The following GPBP1 variants were observed in gnomAD, a reference collection of about 807,000 sequenced individuals.
GPBP1 encodes the protein GC-rich promoter binding protein 1.
GPBP1 carries 13 observed loss-of-function variants against 56.5 expected under a neutral mutation model. The observed-to-expected ratio is 0.23, with a 90% CI of 0.15 to 0.37. The LOEUF (loss-of-function observed/expected upper bound fraction) is 0.37. GPBP1 is among the 10% of genes least tolerant of loss of function. The pLI is 1.00. For synonymous variants in GPBP1, 204 were observed against 188.9 expected (o/e 1.08, Z -0.66); for missense variants, 477 against 572.3 (o/e 0.83, Z 1.70).
intron 5 of GPBP1, among the ~76,000 whole-genome samples, chr5:57,232,730 T>C (rs1207212577): frequency 1.3e-5 from 2 of 152,234 alleles, no homozygotes; most frequent in African/African-American, 4.8e-5. Flanking sequence ...CCCTGTCTCC[T>C]TTGTTCGGTG....
At chr5:57,221,517 TA>T in intron 3 of GPBP1, 1 of 615,314 alleles carries the variant, frequency 1.6e-6, no homozygotes, top group South Asian at 2.3e-5. Context: ...TGTATCTTCA[TA>T]ATTGTTTGAT....
At chr5:57,228,580 G>T (rs1262127489) in intron 3 of GPBP1, among the ~76,000 whole-genome samples, 1 of 50 alleles carries the variant, frequency 0.02, no homozygotes, top group African/African-American at 0.071. Context: ...TTCAAGTCTG[G>T]CTTGGGCATA....
rs1561342192 is a variant in GPBP1, at chr5:57,211,868, G to T, written c.-57-2206G>T. 2.0e-5 allele frequency among the ~76,000 whole-genome samples: 3 copies of T among 151,882 alleles called. No individual in the cohort carries two copies. In the South Asian group the frequency reaches 6.2e-4, roughly 32 times the overall value. On this transcript the variant is annotated intron_variant, in intron 2 of 11. Transcript: ENST00000506184. The stretch of plus-strand genomic sequence containing the variant: ...ATTACAGGCGTGAGCCGTCGTGCTC[G>T]GCCATTACGTAACTTTTTACCATTT...
At chr5:57,236,541 T>C (rs1336862476) in intron 6 of GPBP1, among the ~76,000 whole-genome samples, 1 of 152,156 alleles carries the variant, frequency 6.6e-6, no homozygotes, top group Non-Finnish European at 1.5e-5. Context: ...TTTGAAGTTA[T>C]TTGTCTCTGA....
chr5:57,174,764 C>T (rs1579958317), intron 1 of GPBP1, among the ~76,000 whole-genome samples: 1 of 152,304 alleles, frequency 6.6e-6, no homozygotes, highest in South Asian at 2.1e-4. Flanking sequence ...GAGAACCATT[C>T]TTTGGTTTAC....
intron 6 of GPBP1, among the ~76,000 whole-genome samples, chr5:57,241,466 C>T (rs1434581017): frequency 1.3e-5 from 2 of 152,122 alleles, no homozygotes; most frequent in African/African-American, 4.8e-5. Flanking sequence ...TGGTCCAGGC[C>T]TGTAATCCTA....
In GPBP1 at chr5:57,235,982, A is replaced by C. The variant is rs754259801; in HGVS notation, c.428A>C (p.Glu143Ala). 2.5e-6 allele frequency: 4 copies of C among 1,610,398 alleles called. No homozygotes were observed. The South Asian group carries it at 4.4e-5, about 18-fold the overall frequency. The change falls in exon 6 of 12, where the codon GAG (glutamate) becomes GCG (alanine). Residue 143 changes from glutamate (E) to alanine (A), a missense_variant. By Grantham distance (107) the Glu-to-Ala change is moderately radical (BLOSUM62 -1). This residue lies in a region of GPBP1 where 414 missense variants were observed against 458.2 expected (regional missense o/e 0.90). Coordinates refer to ENST00000506184, the MANE Select transcript of GPBP1 (RefSeq NM_022913.4). ...TTCTTCCAGCCGTCTTTAAATCCTG[A>C]GTATGAGAGAGAACCAAATCACAAT... Reference protein sequence around the residue: ...EAEDFPSLNPEYEREPNHNKS... With the variant: ...EAEDFPSLNPAYEREPNHNKS...
intron 3 of GPBP1, among the ~76,000 whole-genome samples, chr5:57,220,553 A>G (rs1197091999): frequency 1.3e-5 from 2 of 148,432 alleles, no homozygotes; most frequent in Admixed American, 6.9e-5. Context: ...TCTGCCCCCC[A>G]GGTTCAAACG....
intron 2 of GPBP1, among the ~76,000 whole-genome samples, chr5:57,181,355 G>C (rs2111572393): frequency 6.6e-6 from 1 of 151,462 alleles, no homozygotes; most frequent in Admixed American, 6.6e-5. Context: ...AAGAATTAAA[G>C]AGATGAGGCC....
At chr5:57,209,465 C>T (rs1755382889) in intron 2 of GPBP1, among the ~76,000 whole-genome samples, 1 of 152,138 alleles carries the variant, frequency 6.6e-6, no homozygotes, top group Non-Finnish European at 1.5e-5. Context: ...TGTGGTGGCT[C>T]AGGATGCCTT....
chr5:57,193,554 C>G (rs2111650107), intron 2 of GPBP1, among the ~76,000 whole-genome samples: 1 of 137,178 alleles, frequency 7.3e-6, no homozygotes, highest in South Asian at 2.2e-4. Flanking sequence ...GTGGAGGTTG[C>G]AGTGAGCCAA....
chr5:57,230,207 C>T (rs6450421), intron 3 of GPBP1, among the ~76,000 whole-genome samples: 4,532 of 152,242 alleles, frequency 0.03, 155 homozygotes, highest in East Asian at 0.13. Context: ...GCTGGGATTA[C>T]AGGTGTAAGC....
intron 2 of GPBP1, among the ~76,000 whole-genome samples, chr5:57,178,813 C>T (rs1043239396): frequency 6.6e-6 from 1 of 152,234 alleles, no homozygotes; most frequent in African/African-American, 2.4e-5. Flanking sequence ...CTGCTTTTCC[C>T]CAGAAGTTAA....
intron 6 of GPBP1, among the ~76,000 whole-genome samples, chr5:57,241,455 G>T (rs755501003): frequency 1.5e-4 from 23 of 152,202 alleles, no homozygotes; most frequent in Non-Finnish European, 2.9e-4. Context: ...GCCAGGATTG[G>T]TGGTCCAGGC....
At position 57,263,945 on chromosome 5, in the gene GPBP1, T is replaced by C. The variant is rs888064794; in HGVS notation, c.*1193T>C. On this transcript the variant is annotated 3_prime_UTR_variant, in exon 12 of 12. Coordinates refer to ENST00000506184, the MANE Select transcript of GPBP1 (RefSeq NM_022913.4). ...TTATGTTTAAATATATTCTAACTTATGTAAAGAGCATAATCTTAGAGCAAA... is the reference window on the plus strand; with the variant it reads ...TTATGTTTAAATATATTCTAACTTACGTAAAGAGCATAATCTTAGAGCAAA... 2 of 152,192 alleles carry C rather than the reference T, an allele frequency of 1.3e-5. No homozygotes were observed. The highest frequency in any genetic ancestry group is 2.4e-5 in the African/African-American group (1 of 41,454). 9.4% of individuals were successfully genotyped at this position (152,192 alleles called of 1,614,324 possible).
chr5:57,201,197 A>T (rs144211967), intron 2 of GPBP1, among the ~76,000 whole-genome samples: 19 of 151,880 alleles, frequency 1.3e-4, no homozygotes, highest in African/African-American at 4.6e-4. Flanking sequence ...TCTTTTTTTG[A>T]GTCAGGGCCT....
intron 3 of GPBP1, among the ~76,000 whole-genome samples, chr5:57,229,674 A>C (rs1417240472): frequency 2.6e-5 from 4 of 151,754 alleles, no homozygotes; most frequent in Non-Finnish European, 5.9e-5. Context: ...AGCTGGAACT[A>C]CAGGCGTGTG....
chr5:57,219,235 G>A (rs1189622974), intron 3 of GPBP1, among the ~76,000 whole-genome samples: 2 of 151,468 alleles, frequency 1.3e-5, no homozygotes, highest in Admixed American at 6.6e-5. Flanking sequence ...AATTAGCCGG[G>A]TATGGTGGCA....
intron 8 of GPBP1, 131 bp from the exon 9 acceptor site, chr5:57,249,278 G>T: frequency 1.5e-6 from 1 of 681,494 alleles, no homozygotes; most frequent in South Asian, 2.1e-5. Flanking sequence ...GAACTAGACT[G>T]TAACATAGAC....
Sources: gnomAD v4.1 joint callset for allele counts (sites outside exome capture counted in the v4.1 genomes callset) on GRCh38, gnomAD v4.1.1 for gene constraint, gnomAD v4.1.1 regional missense constraint, MANE v1.5 for transcripts, NCBI Gene and HGNC (gene_info 2026-07-23, HGNC 2026-07-21) for gene names.